The following SOX6 variants were observed in gnomAD, a reference collection of about 807,000 sequenced individuals.
The protein encoded by SOX6 is transcription factor SOX-6.
SOX6 carries 11 observed loss-of-function variants against 97.8 expected under a neutral mutation model. The ratio of observed to expected loss-of-function variants is 0.11; its 90% CI spans 0.07 to 0.19. The LOEUF (loss-of-function observed/expected upper bound fraction) is 0.19. SOX6 is among the 10% of genes least tolerant of loss of function. The probability of loss-of-function intolerance (pLI) is 1.00; values close to 1 mark genes in which losing one functional copy is unlikely to be tolerated. For missense variants in SOX6, 810 were observed against 1,039.5 expected (o/e 0.78, Z 3.04); for synonymous variants, 360 against 371.4 (o/e 0.97, Z 0.35).
chr11:16,017,196 CA>C (rs1854911258), intron 12 of SOX6, among the ~76,000 whole-genome samples: 1 of 151,740 alleles, frequency 6.6e-6, no homozygotes, highest in Non-Finnish European at 1.5e-5. Context: ...TTAATCATAA[CA>C]AAAAACATTC....
intron 6 of SOX6, among the ~76,000 whole-genome samples, chr11:16,127,563 A>G (rs1473744110): frequency 1.3e-5 from 2 of 152,164 alleles, no homozygotes; most frequent in African/African-American, 4.8e-5. Context: ...TAAAGATTAT[A>G]AAACTGTATT....
intron 1 of SOX6, among the ~76,000 whole-genome samples, chr11:16,342,093 G>A (rs564542945): frequency 1.3e-5 from 2 of 151,992 alleles, no homozygotes; most frequent in South Asian, 4.1e-4. Flanking sequence ...ATACAATATT[G>A]AACATTCATT....
At chr11:16,162,187 A>C (rs989951325) in intron 6 of SOX6, among the ~76,000 whole-genome samples, 1 of 152,228 alleles carries the variant, frequency 6.6e-6, no homozygotes, top group African/African-American at 2.4e-5. Context: ...AACTAGCTGC[A>C]TCTTATATCC....
chr11:16,174,039 T>A (rs1180309915), intron 6 of SOX6, among the ~76,000 whole-genome samples: 2 of 149,660 alleles, frequency 1.3e-5, no homozygotes, highest in Non-Finnish European at 3.0e-5. Context: ...TGTTTCTTTT[T>A]TTTTTTTTTT....
At chr11:16,272,072 A>G (rs78919316) in intron 3 of SOX6, among the ~76,000 whole-genome samples, 2,298 of 151,580 alleles carry the variant, frequency 0.015, 73 homozygotes, top group African/African-American at 0.053. Context: ...GTTCTGTAAC[A>G]TTCAGATTAT....
intron 4 of SOX6, among the ~76,000 whole-genome samples, chr11:16,217,227 A>G (rs776972138): frequency 6.6e-6 from 1 of 152,152 alleles, no homozygotes; most frequent in Non-Finnish European, 1.5e-5. Flanking sequence ...CTAGCCCTAT[A>G]CACTTACGTA....
chr11:16,243,195 T>C (rs1269816637), intron 3 of SOX6, among the ~76,000 whole-genome samples: 2 of 152,006 alleles, frequency 1.3e-5, no homozygotes, highest in Non-Finnish European at 2.9e-5. Flanking sequence ...TCAGGCACTG[T>C]ATTTTTTATA....
At chr11:16,450,212 C>A (rs1166710855) in intron 1 of SOX6, among the ~76,000 whole-genome samples, 1 of 152,114 alleles carries the variant, frequency 6.6e-6, no homozygotes, top group Non-Finnish European at 1.5e-5. Context: ...AAGTCATATG[C>A]CTTAAAAAAG....
rs1853364585 is a variant in SOX6, at chr11:15,973,038, G to A, written c.2258C>T (p.Thr753Ile). Residue 753 changes from threonine to isoleucine, a missense_variant, in exon 16 of 16, where the codon ACA becomes ATA. Transcript: ENST00000683767. ...GTCAGATGTCATCTGAGGCGATGGTGTGGTAGTTGCCATAGTGATAGCACC... is the reference window on the plus strand; with the variant it reads ...GTCAGATGTCATCTGAGGCGATGGTATGGTAGTTGCCATAGTGATAGCACC... ...YPGAITMATT[T>I]PSPQMTSDCS... The A allele has an allele frequency of 1.9e-6, 3 of 1,614,204 alleles. No homozygotes were observed. The highest frequency in any genetic ancestry group is 2.5e-6 in the Non-Finnish European group (3 of 1,180,032).
chr11:16,125,065 C>T (rs556906212), intron 6 of SOX6, among the ~76,000 whole-genome samples: 2 of 152,102 alleles, frequency 1.3e-5, no homozygotes, highest in South Asian at 2.1e-4. Context: ...CAAAGAGTAT[C>T]TGATTGATTC....
intron 4 of SOX6, among the ~76,000 whole-genome samples, chr11:16,524,882 T>A (rs1372937900): frequency 6.6e-6 from 1 of 152,302 alleles, no homozygotes; most frequent in African/African-American, 2.4e-5. Flanking sequence ...CCATTCACAA[T>A]TGCTTCAAAG....
intron 4 of SOX6, among the ~76,000 whole-genome samples, chr11:16,193,351 G>A (rs552260965): frequency 2.6e-5 from 4 of 151,866 alleles, no homozygotes; most frequent in Admixed American, 6.6e-5. Context: ...CAGTCTGGGC[G>A]ACAGGGTGAG....
At chr11:16,309,353 T>C (rs1855529632) in intron 3 of SOX6, among the ~76,000 whole-genome samples, 1 of 151,942 alleles carries the variant, frequency 6.6e-6, no homozygotes, top group Admixed American at 6.6e-5. Flanking sequence ...AAAGAGAAAA[T>C]GAATGAAAGT....
chr11:15,979,263 G>T (rs150664664), intron 15 of SOX6, among the ~76,000 whole-genome samples: 2 of 151,518 alleles, frequency 1.3e-5, no homozygotes, highest in African/African-American at 4.8e-5. Flanking sequence ...CAATTGATCA[G>T]CAAATCCTAT....
chr11:16,466,601 A>G (rs1860036658), intron 1 of SOX6, among the ~76,000 whole-genome samples: 1 of 151,592 alleles, frequency 6.6e-6, no homozygotes, highest in African/African-American at 2.4e-5. Context: ...TCCACCATCT[A>G]TTAGGAACTT....
At chr11:16,526,633 T>C (rs1861170682) in intron 4 of SOX6, among the ~76,000 whole-genome samples, 1 of 152,030 alleles carries the variant, frequency 6.6e-6, no homozygotes, top group South Asian at 2.1e-4. Flanking sequence ...TAAAGTATAA[T>C]AATAATAAAT....
At chr11:16,700,925 A>C (rs374478216) in intron 3 of SOX6, among the ~76,000 whole-genome samples, 17 of 152,286 alleles carry the variant, frequency 1.1e-4, no homozygotes, top group African/African-American at 2.2e-4. Context: ...TAGGGCCATA[A>C]GGTATGTGGT....
intron 6 of SOX6, among the ~76,000 whole-genome samples, chr11:16,147,115 A>AT (rs1161110828): frequency 2.0e-5 from 3 of 152,132 alleles, no homozygotes; most frequent in Non-Finnish European, 2.9e-5. Context: ...AATGTCCAAC[A>AT]ATCATAGACT....
chr11:16,724,888 T>C (rs897666155), intron 2 of SOX6, among the ~76,000 whole-genome samples: 3 of 152,180 alleles, frequency 2.0e-5, no homozygotes, highest in Non-Finnish European at 2.9e-5. Flanking sequence ...TGTGGAGAAA[T>C]TGAACTCTTT....
Sources: gnomAD v4.1 joint callset for allele counts (sites outside exome capture counted in the v4.1 genomes callset) on GRCh38, gnomAD v4.1.1 for gene constraint, MANE v1.5 for transcripts, NCBI Gene and HGNC (gene_info 2026-07-23, HGNC 2026-07-21) for gene names.